Variants in LIN52 observed in about 807,000 individuals in gnomAD.
LIN52 encodes the protein lin-52 DREAM MuvB core complex component, also known as protein lin-52 homolog.
Under a neutral mutation model 18.5 loss-of-function variants are expected in LIN52, and 4 were observed. That is an observed-to-expected ratio of 0.22 (90% CI 0.11 to 0.49). LIN52 has a LOEUF of 0.49. LIN52 is among the 20% of genes least tolerant of loss of function. The pLI is 0.97. For missense variants in LIN52, 102 were observed against 139.5 expected (o/e 0.73, Z 1.35); for synonymous variants, 34 against 45.5 (o/e 0.75, Z 1.02).
chr14:74,180,262 A>ATT (rs5809652), intron 5 of LIN52, among the ~76,000 whole-genome samples: 51,294 of 118,898 alleles, frequency 0.43, 11,931 homozygotes, highest in Non-Finnish European at 0.5. Context: ...GGGAGGAGGA[A>ATT]TTTTTTTTTT....
intron 2 of LIN52, 75 bp downstream of exon 2, chr14:74,091,381 G>C (rs1231682214): frequency 1.4e-5 from 15 of 1,050,868 alleles, no homozygotes; most frequent in African/African-American, 3.2e-5. Flanking sequence ...TTTTTAAAGA[G>C]TTATTTATTT....
At chr14:74,118,787 C>A (rs777164982) in intron 5 of LIN52, among the ~76,000 whole-genome samples, 2 of 152,082 alleles carry the variant, frequency 1.3e-5, no homozygotes, top group Non-Finnish European at 2.9e-5. Flanking sequence ...AACAAAACAC[C>A]TTTCTAGTAC....
At chr14:74,170,151 T>C (rs752953009) in intron 5 of LIN52, among the ~76,000 whole-genome samples, 7 of 152,176 alleles carry the variant, frequency 4.6e-5, no homozygotes, top group Non-Finnish European at 7.3e-5. Flanking sequence ...CAGGAGCATA[T>C]GGAAGAAAAG....
intron 5 of LIN52, among the ~76,000 whole-genome samples, chr14:74,152,959 CAAAA>C (rs1189515836): frequency 1.4e-4 from 6 of 41,556 alleles, no homozygotes; most frequent in African/African-American, 8.0e-5. Flanking sequence ...GACTCTGTCT[CAAAA>C]AAAAAAAAAA....
chr14:74,166,451 G>T (rs113831222), intron 5 of LIN52, among the ~76,000 whole-genome samples: 7 of 152,144 alleles, frequency 4.6e-5, no homozygotes, highest in African/African-American at 1.7e-4. Context: ...CTGACCTCAG[G>T]TGATCCGCCC....
At chr14:74,141,338 A>T (rs1240474397) in intron 5 of LIN52, among the ~76,000 whole-genome samples, 1 of 152,164 alleles carries the variant, frequency 6.6e-6, no homozygotes, top group Non-Finnish European at 1.5e-5. Flanking sequence ...TTTGTGACTT[A>T]TCTTTGACCC....
At chr14:74,192,951 G>C (rs1486837679) in intron 5 of LIN52, 1 of 153,946 alleles carries the variant, frequency 6.5e-6, no homozygotes, top group African/African-American at 2.4e-5. Flanking sequence ...TTGTCCTTTC[G>C]TGTACCCCTT....
chr14:74,091,357 C>A (rs773810573), intron 2 of LIN52, 51 bp downstream of exon 2: 58 of 1,217,554 alleles, frequency 4.8e-5, no homozygotes, highest in Non-Finnish European at 5.9e-5. Flanking sequence ...AAACAATGTT[C>A]CTTTTTAAAG....
intron 5 of LIN52, among the ~76,000 whole-genome samples, chr14:74,131,936 T>C (rs756001560): frequency 5.3e-5 from 8 of 152,074 alleles, no homozygotes; most frequent in Non-Finnish European, 8.8e-5. Context: ...CCCTGTAATA[T>C]AACAGATGCA....
At chr14:74,092,256 G>A (rs1258092305) in intron 2 of LIN52, among the ~76,000 whole-genome samples, 1 of 150,530 alleles carries the variant, frequency 6.6e-6, no homozygotes, top group Non-Finnish European at 1.5e-5. Flanking sequence ...ACAGGTGTGA[G>A]CCACCGTGCC....
At chr14:74,120,289 T>C (rs547399481) in intron 5 of LIN52, among the ~76,000 whole-genome samples, 5 of 152,234 alleles carry the variant, frequency 3.3e-5, no homozygotes, top group South Asian at 2.1e-4. Context: ...AAGAGTTTTT[T>C]CCCCCAACTT....
At chr14:74,116,284 CAG>C (rs1244595976) in intron 5 of LIN52, among the ~76,000 whole-genome samples, 2 of 151,228 alleles carry the variant, frequency 1.3e-5, no homozygotes, top group African/African-American at 4.9e-5. Context: ...GCCTGGGCAA[CAG>C]AGTGAGACTC....
In LIN52 at chr14:74,200,425, A is replaced by G. The variant is rs1469579067; in HGVS notation, c.*1448A>G. 3.1e-5 allele frequency: 1 copy of G among 32,302 alleles called. No homozygotes were observed. The highest frequency in any genetic ancestry group is 5.8e-4 in the Admixed American group (1 of 1,710). The allele number at this position is 32,302 out of a possible 1,614,324, so 2.0% of individuals were successfully genotyped here. On this transcript the variant is annotated 3_prime_UTR_variant, in exon 6 of 6. Coordinates refer to ENST00000555028, the MANE Select transcript of LIN52 (RefSeq NM_001024674.3). Reference sequence around the variant, plus strand: ...GAGACTCTGTCTCAGAAAAAAAAAAAAAAAAAAAAAAAAAAAAAGAATATC... The same window carrying G: ...GAGACTCTGTCTCAGAAAAAAAAAAGAAAAAAAAAAAAAAAAAAGAATATC...
At chr14:74,098,607 G>A (rs1377105098) in intron 4 of LIN52, among the ~76,000 whole-genome samples, 1 of 151,292 alleles carries the variant, frequency 6.6e-6, no homozygotes, top group Non-Finnish European at 1.5e-5. Flanking sequence ...GAGTGCAGTG[G>A]TGCGATCTCG....
intron 5 of LIN52, among the ~76,000 whole-genome samples, chr14:74,126,840 A>G (rs1187190989): frequency 6.6e-6 from 1 of 152,234 alleles, no homozygotes; most frequent in African/African-American, 2.4e-5. Flanking sequence ...TTGTGAATGC[A>G]CTAAATGCCA....
chr14:74,098,379 C>T (rs760526011), intron 4 of LIN52, among the ~76,000 whole-genome samples: 1 of 151,984 alleles, frequency 6.6e-6, no homozygotes, highest in Non-Finnish European at 1.5e-5. Flanking sequence ...ATCAACCAGG[C>T]ATGGTGGCAA....
intron 5 of LIN52, among the ~76,000 whole-genome samples, chr14:74,197,443 C>T (rs1189135343): frequency 6.6e-6 from 1 of 152,136 alleles, no homozygotes; most frequent in Non-Finnish European, 1.5e-5. Flanking sequence ...GGATCTTTTG[C>T]CAAGGGAGAG....
At chr14:74,113,991 C>A in intron 5 of LIN52, 1 of 182,562 alleles carries the variant, frequency 5.5e-6, no homozygotes, top group Non-Finnish European at 9.8e-6. Context: ...CTTTTCTTTT[C>A]TTTTTTTGAG....
At chr14:74,087,636 C>G (rs1440921271) in intron 1 of LIN52, among the ~76,000 whole-genome samples, 1 of 152,050 alleles carries the variant, frequency 6.6e-6, no homozygotes, top group South Asian at 2.1e-4. Context: ...ATTCCACGGC[C>G]TAGCTCTTTC....
Sources: allele counts gnomAD v4.1 joint callset (sites outside exome capture counted in the v4.1 genomes callset), GRCh38; gene constraint gnomAD v4.1.1; transcripts MANE v1.5; gene names NCBI Gene and HGNC (gene_info 2026-07-23, HGNC 2026-07-21).